PCDHGA5: variants seen among roughly 807,000 people sequenced by gnomAD.
PCDHGA5 encodes the protein protocadherin gamma-A5.
In PCDHGA5, 36 loss-of-function variants were observed where a neutral mutation model predicts 56.7. The observed-to-expected ratio is 0.64, with a 90% CI of 0.49 to 0.84. PCDHGA5 has a LOEUF of 0.84. Among genes scored for constraint, PCDHGA5 ranks in the 40% least tolerant of loss-of-function variants. The pLI, the probability that PCDHGA5 is intolerant of heterozygous loss-of-function variation, is 0.00. For synonymous variants in PCDHGA5, 563 were observed against 520.2 expected, an observed-to-expected ratio of 1.08 and a Z score of -1.12; for missense variants, 1,305 against 1,201.5, an observed-to-expected ratio of 1.09 and a Z score of -1.27.
chr5:141,371,255 A>G lies in PCDHGA5; in HGVS notation c.2421+4504A>G, dbSNP rs1442083388. The G allele has an allele frequency of 1.9e-6, 3 of 1,614,036 alleles. 1 individual carries two copies. The South Asian group carries it at 3.3e-5, about 18-fold the overall frequency. On this transcript the variant is annotated intron_variant, in intron 1 of 3. Transcript: ENST00000518069. ...ATGCCTTCATCAATATTGGCAAGGA[A>G]GTGAGACAACTGTTCAAGCTGGACA...
chr5:141,414,726 C>G (rs761022941), intron 1 of PCDHGA5: 5 of 1,614,196 alleles, frequency 3.1e-6, no homozygotes, highest in Non-Finnish European at 4.2e-6. Context: ...ACACTGGCGT[C>G]CTGTATGCAC....
At chr5:141,478,808 T>C in intron 1 of PCDHGA5, 1 of 1,459,124 alleles carries the variant, frequency 6.9e-7, no homozygotes, top group African/African-American at 1.4e-5. Flanking sequence ...TCTTTTGCTA[T>C]CACAACTAAC....
At chr5:141,463,418 C>A (rs1442067485) in intron 1 of PCDHGA5, among the ~76,000 whole-genome samples, 3 of 138,240 alleles carry the variant, frequency 2.2e-5, no homozygotes, top group Admixed American at 7.4e-5. Context: ...TCCTAGTTTG[C>A]GGATCCTCAT....
chr5:141,375,054 G>C, intron 1 of PCDHGA5: 6 of 1,614,004 alleles, frequency 3.7e-6, no homozygotes, highest in South Asian at 1.1e-5. Context: ...GCCCGGGATG[G>C]GCCAGGTCTT....
At chr5:141,384,274 G>C (rs1396743546) in intron 1 of PCDHGA5, 1 of 1,613,704 alleles carries the variant, frequency 6.2e-7, no homozygotes, top group Non-Finnish European at 8.5e-7. Flanking sequence ...ATCCTACTCA[G>C]TCTACATCGC....
chr5:141,382,360 A>C (rs1310834058), intron 1 of PCDHGA5, among the ~76,000 whole-genome samples: 1 of 152,210 alleles, frequency 6.6e-6, no homozygotes, highest in Non-Finnish European at 1.5e-5. Flanking sequence ...ATTTAAATAA[A>C]ATTTACCTTT....
chr5:141,410,380 C>T, intron 1 of PCDHGA5: 1 of 1,614,072 alleles, frequency 6.2e-7, no homozygotes, highest in Non-Finnish European at 8.5e-7. Flanking sequence ...CTTGGGACTG[C>T]TTCCATCCTG....
At chr5:141,426,844 A>C (rs1397752566) in intron 1 of PCDHGA5, 1 of 456,628 alleles carries the variant, frequency 2.2e-6, no homozygotes, top group Non-Finnish European at 4.4e-6. Context: ...ACTAAAGGCA[A>C]GAACGCTCCA....
chr5:141,423,185 C>T (rs996177363), intron 1 of PCDHGA5: 7 of 1,613,492 alleles, frequency 4.3e-6, no homozygotes, highest in Non-Finnish European at 5.9e-6. Context: ...CACGGCCAGC[C>T]CCCTCTCTCG....
chr5:141,364,964 C>T lies in PCDHGA5; in HGVS notation c.634C>T (p.Leu212Phe). The change falls in exon 1 of 4, where the codon CTC (leucine) becomes TTC (phenylalanine). Residue 212 changes from leucine to phenylalanine, a missense_variant. Leu to Phe is a conservative substitution (Grantham distance 22, BLOSUM62 0). Coordinates refer to ENST00000518069, the MANE Select transcript of PCDHGA5 (RefSeq NM_018918.3). ...REKETVHDLL[L>F]TALDGGDPVL... The stretch of plus-strand genomic sequence containing the variant: ...GAAAGAGACTGTTCACGACCTCCTC[C>T]TCACAGCTTTAGATGGCGGAGACCC... 1 of 1,613,938 alleles carries T rather than the reference C, an allele frequency of 6.2e-7. No individual in the cohort carries two copies. Among genetic ancestry groups the T allele is most frequent in the Non-Finnish European group, 8.5e-7 (1 of 1,179,896 alleles).
chr5:141,366,358 CAGTATCA>C lies in PCDHGA5; in HGVS notation c.2031_2037del (p.Ser677ArgfsTer38), dbSNP rs1426997728. ...TCCCTGACATCCTGGCTGACCTAGG[CAGTATCA>C]AGACCCCCATTGACCCTGAGGATCT... On this transcript the variant is annotated frameshift_variant, in exon 1 of 4. Coordinates refer to ENST00000518069, the MANE Select transcript of PCDHGA5 (RefSeq NM_018918.3). LOFTEE classifies it high-confidence loss of function. 9.9e-6 allele frequency: 16 copies of C among 1,613,898 alleles called. No homozygotes were observed. Among genetic ancestry groups the C allele is most frequent in the African/African-American group, 1.3e-5 (1 of 74,948 alleles).
intron 1 of PCDHGA5, among the ~76,000 whole-genome samples, chr5:141,472,924 T>G (rs1247655318): frequency 2.0e-5 from 3 of 147,960 alleles, no homozygotes; most frequent in African/African-American, 7.5e-5. Flanking sequence ...AGGAGGAGGT[T>G]GTGGTGAGCC....
intron 1 of PCDHGA5, chr5:141,414,372 A>G: frequency 1.2e-6 from 2 of 1,613,914 alleles, no homozygotes; most frequent in Non-Finnish European, 1.7e-6. Context: ...TTAAATTAGA[A>G]AAGTCCATTG....
At chr5:141,388,126 G>T (rs531546122) in intron 1 of PCDHGA5, 7 of 1,431,030 alleles carry the variant, frequency 4.9e-6, no homozygotes, top group East Asian at 2.4e-5. Flanking sequence ...AGCGCAGAGA[G>T]CGGGGAGTTG....
intron 1 of PCDHGA5, among the ~76,000 whole-genome samples, chr5:141,420,624 CTCAA>C (rs1561789527): frequency 1.3e-5 from 2 of 152,278 alleles, no homozygotes; most frequent in Admixed American, 1.3e-4. Context: ...TCTTCATTTA[CTCAA>C]TAAAGGAACC....
chr5:141,414,900 T>C (rs1402776790), intron 1 of PCDHGA5: 5 of 1,614,170 alleles, frequency 3.1e-6, no homozygotes, highest in Middle Eastern at 1.6e-4. Flanking sequence ...CCACAGACGG[T>C]TCCACAGGCG....
At position 141,493,396 on chromosome 5, in the gene PCDHGA5, G is replaced by A. The variant is rs562217310; in HGVS notation, c.2422-1411G>A. 1.3e-5 allele frequency among the ~76,000 whole-genome samples: 2 copies of A among 152,274 alleles called. No homozygotes were observed. Among genetic ancestry groups the A allele is most frequent in the East Asian group, 3.9e-4 (2 of 5,178 alleles). The stretch of plus-strand genomic sequence containing the variant: ...TTTAAAAGCTTGAGGACAGGAGAGG[G>A]GAGTTGCCTCTGCTGGGATTTTGCT... On this transcript the variant is annotated intron_variant, in intron 1 of 3. Transcript: ENST00000518069. This position sits in a 1 kb window ranked among gnomAD's most constrained non-coding sequence, Gnocchi z 4.3.
intron 1 of PCDHGA5, chr5:141,374,063 G>T: frequency 6.7e-7 from 1 of 1,496,072 alleles, no homozygotes; most frequent in Non-Finnish European, 8.9e-7. Flanking sequence ...TAATCCCAGA[G>T]AAGTTCCTAA....
intron 1 of PCDHGA5, chr5:141,389,206 G>A: frequency 6.2e-7 from 1 of 1,614,014 alleles, no homozygotes; most frequent in Non-Finnish European, 8.5e-7. Context: ...CTGCACATTG[G>A]TGATGTAAAT....
Sources: gnomAD v4.1 joint callset for allele counts (sites outside exome capture counted in the v4.1 genomes callset) on GRCh38, gnomAD v4.1.1 for gene constraint, Gnocchi (gnomAD v3.1) non-coding constraint, MANE v1.5 for transcripts, NCBI Gene and HGNC (gene_info 2026-07-23, HGNC 2026-07-21) for gene names.